Variants in MTUS2 observed in about 807,000 individuals in gnomAD.
The protein encoded by MTUS2 is microtubule-associated tumor suppressor candidate 2.
Under a neutral mutation model 114.1 loss-of-function variants are expected in MTUS2, and 40 were observed. The ratio of observed to expected loss-of-function variants is 0.35; its 90% CI spans 0.27 to 0.46. The LOEUF (loss-of-function observed/expected upper bound fraction) is 0.46. Ranked by LOEUF, MTUS2 falls within the 20% of genes least tolerant of loss-of-function variation. The probability of loss-of-function intolerance (pLI) is 1.00; values close to 1 mark genes in which losing one functional copy is unlikely to be tolerated. For synonymous variants in MTUS2, 688 were observed against 672.0 expected, an observed-to-expected ratio of 1.02 and a Z score of -0.37; for missense variants, 1,679 against 1,705.4, an observed-to-expected ratio of 0.98 and a Z score of 0.27.
intron 2 of MTUS2, among the ~76,000 whole-genome samples, chr13:28,980,520 G>A (rs1884312419): frequency 6.6e-6 from 1 of 152,078 alleles, no homozygotes; most frequent in South Asian, 2.1e-4. Context: ...TATATATGTT[G>A]TCCTTTGTTT....
Position 28,866,416 on chromosome 13 carries a change from G to A in MTUS2, c.-243+26566G>A, listed in dbSNP as rs1022737806. 7.2e-5 allele frequency among the ~76,000 whole-genome samples: 11 copies of A among 152,144 alleles called. No homozygotes were observed. In the South Asian group the frequency reaches 1.0e-3, roughly 14 times the overall value. ...TGTCCACGGAGAGCATGATAGTAGCGAAGAGCTGTGTGCCGCCTCGAGCTT... is the reference window on the plus strand; with the variant it reads ...TGTCCACGGAGAGCATGATAGTAGCAAAGAGCTGTGTGCCGCCTCGAGCTT... On this transcript the variant is annotated intron_variant, in intron 2 of 15. Coordinates refer to ENST00000612955, the MANE Select transcript of MTUS2 (RefSeq NM_001033602.4).
chr13:28,878,219 A>ATATGTG (rs747435077), intron 2 of MTUS2, among the ~76,000 whole-genome samples: 1 of 147,458 alleles, frequency 6.8e-6, no homozygotes, highest in African/African-American at 2.6e-5. Flanking sequence ...ATATATATAT[A>ATATGTG]TGTGTGTGTG....
Position 29,024,546 on chromosome 13 carries a change from G to T in MTUS2, c.-153G>T. 1 of 901,134 alleles carries T rather than the reference G, an allele frequency of 1.1e-6. No homozygotes were observed. Among genetic ancestry groups the T allele is most frequent in the East Asian group, 2.6e-5 (1 of 39,032 alleles). 55.8% of individuals were successfully genotyped at this position (901,134 alleles called of 1,614,324 possible). On this transcript the variant is annotated 5_prime_UTR_variant, in exon 3 of 16. Coordinates refer to ENST00000612955, the MANE Select transcript of MTUS2 (RefSeq NM_001033602.4). ...CAAGACAATGCTTGGTTTTCAAGCT[G>T]TTCTGAGAATGATTAAAGCAGTGTC...
intron 2 of MTUS2, among the ~76,000 whole-genome samples, chr13:28,898,951 G>A (rs545889456): frequency 2.6e-5 from 4 of 152,128 alleles, no homozygotes; most frequent in East Asian, 1.9e-4. Flanking sequence ...ATGAAGATGC[G>A]TACCTTTTAT....
At chr13:29,360,681 G>A (rs1870150724) in intron 8 of MTUS2, among the ~76,000 whole-genome samples, 1 of 102,150 alleles carries the variant, frequency 9.8e-6, no homozygotes, top group African/African-American at 3.8e-5. Context: ...GCATAAAGTA[G>A]CCGAACACCC....
At chr13:29,008,369 C>G (rs78368157) in intron 2 of MTUS2, among the ~76,000 whole-genome samples, 3 of 152,214 alleles carry the variant, frequency 2.0e-5, no homozygotes, top group African/African-American at 7.2e-5. Context: ...TCAGGACCAT[C>G]AGTCACATTT....
At chr13:29,316,282 A>T (rs1020339196) in intron 6 of MTUS2, among the ~76,000 whole-genome samples, 2 of 152,290 alleles carry the variant, frequency 1.3e-5, no homozygotes, top group Middle Eastern at 3.4e-3. Context: ...CATTTGAGAA[A>T]ACTGCTCTGA....
intron 5 of MTUS2, among the ~76,000 whole-genome samples, 165 bp downstream of exon 5, chr13:29,101,135 C>T (rs1890401795): frequency 6.6e-6 from 1 of 152,090 alleles, no homozygotes; most frequent in African/African-American, 2.4e-5. Context: ...GCCCATTTGA[C>T]ACCATCAGTT....
At chr13:29,070,481 T>G (rs1298197380) in intron 4 of MTUS2, among the ~76,000 whole-genome samples, 1 of 152,176 alleles carries the variant, frequency 6.6e-6, no homozygotes, top group Non-Finnish European at 1.5e-5. Context: ...AGAGAAACGG[T>G]AACACCAGTT....
intron 7 of MTUS2, among the ~76,000 whole-genome samples, chr13:29,336,458 A>G (rs778515607): frequency 2.0e-5 from 3 of 152,186 alleles, no homozygotes; most frequent in Non-Finnish European, 4.4e-5. Flanking sequence ...TTGCCTGGGT[A>G]TCACGAGCGG....
At chr13:28,934,593 A>C (rs1373299558) in intron 2 of MTUS2, among the ~76,000 whole-genome samples, 2 of 152,144 alleles carry the variant, frequency 1.3e-5, no homozygotes, top group South Asian at 2.1e-4. Context: ...GTGCAATCTC[A>C]GATCACTGCA....
rs967966650 is a variant in MTUS2 at position 29,324,532 on chromosome 13, C to G, written c.2807-81C>G. 4.8e-6 allele frequency: 5 copies of G among 1,046,268 alleles called. No individual in the cohort carries two copies. In the African/African-American group the frequency reaches 6.3e-5, roughly 13 times the overall value. 64.8% of individuals were successfully genotyped at this position (1,046,268 alleles called of 1,614,324 possible). The stretch of plus-strand genomic sequence containing the variant: ...TTGATATGTTTGACTTTCTTGAAGC[C>G]ACCCTTTCCACAACTTATGTTGCCA... On this transcript the variant is annotated intron_variant, in intron 6 of 15. Coordinates refer to ENST00000612955, the MANE Select transcript of MTUS2 (RefSeq NM_001033602.4).
At chr13:29,421,435 G>A (rs1402565549) in intron 8 of MTUS2, among the ~76,000 whole-genome samples, 1 of 152,176 alleles carries the variant, frequency 6.6e-6, no homozygotes, top group East Asian at 1.9e-4. Flanking sequence ...TAAATAGTGA[G>A]ACTGCGATAC....
chr13:28,906,920 C>T (rs1244921354), intron 2 of MTUS2, among the ~76,000 whole-genome samples: 5 of 151,212 alleles, frequency 3.3e-5, no homozygotes, highest in South Asian at 2.1e-4. Flanking sequence ...AGATACTCCT[C>T]GAGAAGAGCA....
At chr13:28,827,075 T>C (rs550913930) in intron 1 of MTUS2, among the ~76,000 whole-genome samples, 7 of 152,366 alleles carry the variant, frequency 4.6e-5, no homozygotes, top group African/African-American at 1.4e-4. Flanking sequence ...TTGCCACATA[T>C]TAAGCCAAAC....
chr13:29,334,164 G>T (rs941465937), intron 7 of MTUS2, among the ~76,000 whole-genome samples: 3 of 151,978 alleles, frequency 2.0e-5, no homozygotes, highest in African/African-American at 7.3e-5. Context: ...TATCTAATTT[G>T]CCAGTCTGTG....
intron 2 of MTUS2, among the ~76,000 whole-genome samples, chr13:28,843,266 AT>A (rs375072140): frequency 5.1e-4 from 77 of 150,022 alleles, no homozygotes; most frequent in African/African-American, 1.5e-3. Context: ...CCTGAAGGTT[AT>A]TTTTTTTTTC....
intron 2 of MTUS2, among the ~76,000 whole-genome samples, chr13:28,895,031 A>G (rs1400400028): frequency 6.6e-6 from 1 of 152,276 alleles, no homozygotes; most frequent in Non-Finnish European, 1.5e-5. Flanking sequence ...GAAGATCTCG[A>G]AATCCATCTG....
intron 5 of MTUS2, among the ~76,000 whole-genome samples, chr13:29,169,838 C>T (rs1347285851): frequency 2.0e-5 from 3 of 152,160 alleles, no homozygotes; most frequent in South Asian, 2.1e-4. Context: ...TGATGGCAAG[C>T]GAGTTGCAGA....
Sources: gnomAD v4.1 joint callset for allele counts (sites outside exome capture counted in the v4.1 genomes callset) on GRCh38, gnomAD v4.1.1 for gene constraint, MANE v1.5 for transcripts, NCBI Gene and HGNC (gene_info 2026-07-23, HGNC 2026-07-21) for gene names.